TMEM134: variants seen among roughly 807,000 people sequenced by gnomAD.
TMEM134 encodes transmembrane protein 134.
A neutral mutation model predicts 26.2 loss-of-function variants in TMEM134; 36 were observed. The ratio of observed to expected loss-of-function variants is 1.37; its 90% CI spans 1.05 to 1.81. TMEM134 has a LOEUF of 1.81. TMEM134 is among the 40% of genes most tolerant of loss of function. TMEM134 has a pLI of 0.00. For missense variants in TMEM134, 339 were observed against 263.5 expected (o/e 1.29, Z -1.98); for synonymous variants, 133 against 113.6 (o/e 1.17, Z -1.08).
intron 2 of TMEM134, 50 bp downstream of exon 2, chr11:67,467,978 G>C: frequency 6.6e-7 from 1 of 1,517,660 alleles, no homozygotes; most frequent in South Asian, 1.2e-5. Context: ...GGTCCCTGGG[G>C]ATAGGAGCTG....
At position 67,464,811 on chromosome 11, in the gene TMEM134, A is replaced by G. The variant is rs1397173325; in HGVS notation, c.497T>C (p.Val166Ala). Residue 166 changes from valine (V) to alanine (A), a missense_variant, in exon 6 of 7, where the codon GTG becomes GCG. Coordinates refer to ENST00000308022, the MANE Select transcript of TMEM134 (RefSeq NM_025124.4). The part of the protein sequence containing the change: ...IFFVPGFLLL[V>A]PGVYHVIFIY... ...CCGGTGCCCGCTCGCACCTCCAGGC[A>G]CCAACAACAGGAAGCCCGGCACGAA... 2 of 1,608,660 alleles carry G rather than the reference A, an allele frequency of 1.2e-6. No individual in the cohort carries two copies. Among genetic ancestry groups the G allele is most frequent in the Non-Finnish European group, 1.7e-6 (2 of 1,179,076 alleles).
Position 67,464,671 on chromosome 11 carries a change from G to A in TMEM134, c.531C>T (p.Cys177=). ...GGAAGCCCCGGTGGCCCTTGACCGC[G>A]CAGTAGATGAAGATCACGTGATAGA... ...PGVYHVIFIY[C]AVKGHRGFQF... is the part of the protein sequence containing the mutation. The change falls in exon 7 of 7, where the codon TGC becomes TGT. Residue 177 remains cysteine, a synonymous_variant. Coordinates refer to ENST00000308022, the MANE Select transcript of TMEM134 (RefSeq NM_025124.4). 6.4e-7 allele frequency: 1 copy of A among 1,553,928 alleles called. No individual in the cohort carries two copies. The highest frequency in any genetic ancestry group is 8.7e-7 in the Non-Finnish European group (1 of 1,148,154).
In TMEM134 at chr11:67,468,057, A is replaced by G; in HGVS notation, c.210T>C (p.Ser70=). Residue 70 remains serine (S), a synonymous_variant, in exon 2 of 7, where the codon TCT becomes TCC. Coordinates refer to ENST00000308022, the MANE Select transcript of TMEM134 (RefSeq NM_025124.4). ...TGCCGACTCCCCCATCCGGCTCCGG[A>G]GAGGCCTGGGCTCCATCCTCATCGT... is the stretch of plus-strand genomic sequence containing the variant. ...LENDEDGAQA[S]PEPDGGVGTR... 6.4e-6 allele frequency: 10 copies of G among 1,563,928 alleles called. No individual in the cohort carries two copies. The South Asian group carries it at 1.1e-4, about 17-fold the overall frequency.
chr11:67,469,157 A>C lies in TMEM134; in HGVS notation c.36T>G (p.Asp12Glu). Residue 12 changes from aspartate (D) to glutamate (E), a missense_variant, in exon 1 of 7, where the codon GAT becomes GAG. Physicochemically the swap from Asp to Glu is conservative, Grantham distance 45. Transcript: ENST00000308022. ...SAARPQFSID[D>E]AFELSLEDGG... ...CGTCCTCCAGGGACAGCTCGAAGGC[A>C]TCATCAATGCTGAACTGGGGCCGGG... The C allele has an allele frequency of 6.8e-7, 1 of 1,459,966 alleles. No individual in the cohort carries two copies. Among genetic ancestry groups the C allele is most frequent in the East Asian group, 3.0e-5 (1 of 33,394 alleles). The allele number at this position is 1,459,966 out of a possible 1,614,324, so 90.4% of individuals were successfully genotyped here.
At chr11:67,468,144 A>ACTCC in intron 1 of TMEM134, 52 bp from the exon 2 acceptor site, 1 of 1,505,664 alleles carries the variant, frequency 6.6e-7, no homozygotes, top group Non-Finnish European at 9.0e-7. Context: ...GCCCTTCCTC[A>ACTCC]CTCCCTCCCG....
At chr11:67,464,934 G>A in intron 5 of TMEM134, 78 bp from the exon 6 acceptor site, 1 of 1,569,312 alleles carries the variant, frequency 6.4e-7, no homozygotes, top group South Asian at 1.1e-5. Context: ...TGACTGCCCG[G>A]GCAAGCCTCA....
At chr11:67,465,197 G>C (rs1448986705) in intron 4 of TMEM134, 97 bp from the exon 5 acceptor site, 1 of 1,534,232 alleles carries the variant, frequency 6.5e-7, no homozygotes, top group African/African-American at 1.4e-5. Context: ...TGAGCTGAAG[G>C]TGCCCTAGGC....
chr11:67,465,022 G>T, intron 5 of TMEM134, 34 bp downstream of exon 5: 1 of 1,519,732 alleles, frequency 6.6e-7, no homozygotes, highest in Non-Finnish European at 8.9e-7. Flanking sequence ...AGACAGGGGT[G>T]TCCTCTGCCT....
rs529605151 is a variant in TMEM134 at position 67,464,761 on chromosome 11, C to A, written c.505+42G>T. 7.7e-5 allele frequency: 120 copies of A among 1,553,020 alleles called. No homozygotes were observed. In the African/African-American group the frequency reaches 1.5e-3, roughly 19 times the overall value. On this transcript the variant is annotated intron_variant, in intron 6 of 6. Coordinates refer to ENST00000308022, the MANE Select transcript of TMEM134 (RefSeq NM_025124.4). Reference sequence around the variant, plus strand: ...CCCCGCAACACCGCCCCCAGTGCCGCCCCACAGCCCCCGCCCCTTCCGCCC... The same window carrying A: ...CCCCGCAACACCGCCCCCAGTGCCGACCCACAGCCCCCGCCCCTTCCGCCC...
intron 2 of TMEM134, chr11:67,467,806 C>T: frequency 1.5e-6 from 1 of 654,720 alleles, no homozygotes; most frequent in Non-Finnish European, 2.7e-6. Context: ...AAGGTGGGGG[C>T]CAGACCAGAC....
In TMEM134 at chr11:67,469,183, C is replaced by T; in HGVS notation, c.10G>A (p.Ala4Thr). 5 of 1,345,672 alleles carry T rather than the reference C, an allele frequency of 3.7e-6. No individual in the cohort carries two copies. The highest frequency in any genetic ancestry group is 4.8e-6 in the Non-Finnish European group (5 of 1,039,778). The allele number at this position is 1,345,672 out of a possible 1,614,324, so 83.4% of individuals were successfully genotyped here. A position where few individuals can be genotyped will look rare whatever the true frequency, so the allele number is the denominator to read the frequency against. MSA[A>T]RPQFSIDDAF... ...TCATCAATGCTGAACTGGGGCCGGGCGGCGCTCATGGCCCCGGCCCGCTCA... is the reference window on the plus strand; with the variant it reads ...TCATCAATGCTGAACTGGGGCCGGGTGGCGCTCATGGCCCCGGCCCGCTCA... Residue 4 changes from alanine (A) to threonine (T), a missense_variant, in exon 1 of 7, where the codon GCC becomes ACC. Ala to Thr is a moderately conservative substitution (Grantham distance 58, BLOSUM62 0). Coordinates refer to ENST00000308022, the MANE Select transcript of TMEM134 (RefSeq NM_025124.4).
intron 5 of TMEM134, 75 bp from the exon 6 acceptor site, chr11:67,464,931 C>T: frequency 6.4e-7 from 1 of 1,571,988 alleles, no homozygotes; most frequent in South Asian, 1.1e-5. Context: ...CGCTGACTGC[C>T]CGGGCAAGCC....
intron 4 of TMEM134, 194 bp from the exon 5 acceptor site, chr11:67,465,294 T>G (rs1334098830): frequency 7.1e-7 from 1 of 1,406,882 alleles, no homozygotes; most frequent in Admixed American, 3.0e-5. Flanking sequence ...AGGAGAGATT[T>G]TTCTTTGTTC....
Position 67,468,036 on chromosome 11 carries a change from G to C in TMEM134, c.231C>G (p.Val77=). Residue 77 remains valine, a synonymous_variant, in exon 2 of 7, where the codon GTC becomes GTG. Transcript: ENST00000308022. ...AQASPEPDGG[V]GTRDSSRTSI... ...CCCCACCTGGCCCTAACCTGGTGCCGACTCCCCCATCCGGCTCCGGAGAGG... is the reference window on the plus strand; with the variant it reads ...CCCCACCTGGCCCTAACCTGGTGCCCACTCCCCCATCCGGCTCCGGAGAGG... The C allele has an allele frequency of 6.4e-7, 1 of 1,558,740 alleles. No individual in the cohort carries two copies.
chr11:67,467,629 G>T (rs1175286350), intron 2 of TMEM134, 39 bp from the exon 3 acceptor site: 2 of 1,602,504 alleles, frequency 1.2e-6, no homozygotes, highest in Non-Finnish European at 8.5e-7. Context: ...AGGGAGGCAA[G>T]GACGGGGTTG....
Position 67,469,080 on chromosome 11 carries a change from A to G in TMEM134, c.113T>C (p.Phe38Ser). The G allele has an allele frequency of 6.6e-7, 1 of 1,515,330 alleles. No individual in the cohort carries two copies. Among genetic ancestry groups the G allele is most frequent in the Non-Finnish European group, 8.8e-7 (1 of 1,132,078 alleles). 93.9% of individuals were successfully genotyped at this position (1,515,330 alleles called of 1,614,324 possible). The change falls in exon 1 of 7, where the codon TTC (phenylalanine) becomes TCC (serine). Residue 38 changes from phenylalanine to serine, a missense_variant. By Grantham distance (155) the Phe-to-Ser change is radical. Coordinates refer to ENST00000308022, the MANE Select transcript of TMEM134 (RefSeq NM_025124.4). ...CACCTCGAACCGGGCCCGACGCTCG[A>G]AGTGCAGCGGCCCAAAGCGCGCGAC... is the stretch of plus-strand genomic sequence containing the variant. ...SGVARFGPLH[F>S]ERRARFEVAD...
chr11:67,465,218 C>T, intron 4 of TMEM134, 118 bp from the exon 5 acceptor site: 1 of 1,530,030 alleles, frequency 6.5e-7, no homozygotes, highest in Non-Finnish European at 8.7e-7. Flanking sequence ...AGAGACCCTC[C>T]CCAGGAAGCT....
intron 1 of TMEM134, among the ~76,000 whole-genome samples, chr11:67,468,617 C>A (rs750509574): frequency 2.8e-4 from 42 of 152,252 alleles, no homozygotes; most frequent in Admixed American, 7.2e-4. Context: ...TAGAGAAAGG[C>A]GTGCGGGTTC....
chr11:67,464,719 G>A (rs1366833094), intron 6 of TMEM134, 23 bp from the exon 7 acceptor site: 6 of 1,550,522 alleles, frequency 3.9e-6, no homozygotes, highest in Middle Eastern at 1.7e-4. Context: ...GCCTGTCAGC[G>A]CAGAAGCCCC....
Sources: allele counts gnomAD v4.1 joint callset (sites outside exome capture counted in the v4.1 genomes callset), GRCh38; gene constraint gnomAD v4.1.1; transcripts MANE v1.5; gene names NCBI Gene and HGNC (gene_info 2026-07-23, HGNC 2026-07-21).